The following PDE5A variants were observed in gnomAD, a reference collection of about 807,000 sequenced individuals.
PDE5A encodes the protein cGMP-specific 3',5'-cyclic phosphodiesterase.
A neutral mutation model predicts 110.2 loss-of-function variants in PDE5A; 67 were observed. The observed-to-expected ratio is 0.61, with a 90% CI of 0.50 to 0.75. The LOEUF (loss-of-function observed/expected upper bound fraction) is 0.75. Among genes scored for constraint, PDE5A ranks in the 30% least tolerant of loss-of-function variants. PDE5A has a pLI of 0.00. For missense variants in PDE5A, 862 were observed against 1,045.1 expected (o/e 0.82, Z 2.42); for synonymous variants, 328 against 351.2 (o/e 0.93, Z 0.74).
intron 1 of PDE5A, among the ~76,000 whole-genome samples, chr4:119,610,394 C>A (rs2110553132): frequency 6.6e-6 from 1 of 152,296 alleles, no homozygotes; most frequent in Middle Eastern, 3.4e-3. Context: ...TAAATATGGA[C>A]ATGTTACTAA....
intron 4 of PDE5A, among the ~76,000 whole-genome samples, chr4:119,566,560 G>A (rs1727942297): frequency 6.6e-6 from 1 of 152,134 alleles, no homozygotes; most frequent in African/African-American, 2.4e-5. Context: ...AAATAATGCT[G>A]GCTGTTGCTC....
intron 3 of PDE5A, among the ~76,000 whole-genome samples, chr4:119,579,189 A>G (rs1265296928): frequency 1.3e-5 from 2 of 152,130 alleles, no homozygotes; most frequent in Non-Finnish European, 2.9e-5. Context: ...TCAGGAAACA[A>G]CAGGTGCTGG....
intron 3 of PDE5A, among the ~76,000 whole-genome samples, chr4:119,574,506 CT>C (rs758811582): frequency 3.3e-5 from 5 of 151,986 alleles, no homozygotes; most frequent in Non-Finnish European, 7.4e-5. Flanking sequence ...ATGGACTCCT[CT>C]TTTATACTCA....
intron 3 of PDE5A, among the ~76,000 whole-genome samples, chr4:119,577,086 G>A: frequency 6.6e-6 from 1 of 152,120 alleles, no homozygotes. Context: ...AGAAAATCTA[G>A]AAGAAATGGA....
In PDE5A at chr4:119,542,724, A is replaced by G. The variant is rs1726984573; in HGVS notation, c.1397-90T>C. On this transcript the variant is annotated intron_variant, in intron 9 of 20. Coordinates refer to ENST00000354960, the MANE Select transcript of PDE5A (RefSeq NM_001083.4). ...CAAACACACCCAAAGATTGTCTTACACTTTTCTCTTAGGAATGCTTAGTAT... is the reference window on the plus strand; with the variant it reads ...CAAACACACCCAAAGATTGTCTTACGCTTTTCTCTTAGGAATGCTTAGTAT... 4 of 1,202,006 alleles carry G rather than the reference A, an allele frequency of 3.3e-6. No homozygotes were observed. In the South Asian group the frequency reaches 5.7e-5, roughly 17 times the overall value. 74.5% of individuals were successfully genotyped at this position (1,202,006 alleles called of 1,614,324 possible). A position where few individuals can be genotyped will look rare whatever the true frequency, so the allele number is the denominator to read the frequency against.
intron 3 of PDE5A, among the ~76,000 whole-genome samples, chr4:119,595,940 G>C (rs561681268): frequency 6.6e-6 from 1 of 152,252 alleles, no homozygotes; most frequent in South Asian, 2.1e-4. Flanking sequence ...GAAATATTCA[G>C]TTTAACTGAT....
chr4:119,501,702 T>C (rs571368729), intron 19 of PDE5A, among the ~76,000 whole-genome samples: 7 of 152,286 alleles, frequency 4.6e-5, no homozygotes, highest in South Asian at 4.1e-4. Context: ...AAAACTCTTA[T>C]GTTTTATTTC....
At chr4:119,588,332 C>A (rs1311525921) in intron 3 of PDE5A, among the ~76,000 whole-genome samples, 1 of 151,846 alleles carries the variant, frequency 6.6e-6, no homozygotes, top group Non-Finnish European at 1.5e-5. Flanking sequence ...GCGCATGCCA[C>A]ACACCCGGCT....
chr4:119,590,359 T>A (rs927295548), intron 3 of PDE5A, among the ~76,000 whole-genome samples: 1 of 152,184 alleles, frequency 6.6e-6, no homozygotes, highest in African/African-American at 2.4e-5. Context: ...AACTACTCCC[T>A]CATAGACACT....
In PDE5A at chr4:119,498,885, C is replaced by T. The variant is rs1725189708; in HGVS notation, c.2491-147G>A. On this transcript the variant is annotated intron_variant, in intron 20 of 20. Coordinates refer to ENST00000354960, the MANE Select transcript of PDE5A (RefSeq NM_001083.4). ...TTCACAAGCTTTGTGAGCACATACA[C>T]AGATCATTTACACATGATTCTTCTA... is the stretch of plus-strand genomic sequence containing the variant. 6.8e-6 allele frequency: 5 copies of T among 732,240 alleles called. 1 individual carries two copies. The highest frequency in any genetic ancestry group is 9.0e-6 in the Non-Finnish European group (4 of 444,080). 45.4% of individuals were successfully genotyped at this position (732,240 alleles called of 1,614,324 possible). A position where few individuals can be genotyped will look rare whatever the true frequency, so the allele number is the denominator to read the frequency against.
At position 119,582,157 on chromosome 4, in the gene PDE5A, A is replaced by G. The variant is rs149854070; in HGVS notation, c.831+14366T>C. On this transcript the variant is annotated intron_variant, in intron 3 of 20. Coordinates refer to ENST00000354960, the MANE Select transcript of PDE5A (RefSeq NM_001083.4). Reference sequence around the variant, plus strand: ...ACAGTAGAACTTCTTTCAAAATTGGAGTCAATCTTTTCAAGGCGTGCCACT... The same window carrying G: ...ACAGTAGAACTTCTTTCAAAATTGGGGTCAATCTTTTCAAGGCGTGCCACT... Among the ~76,000 whole-genome samples the G allele has an allele frequency of 4.6e-5, 7 of 152,304 alleles. No individual in the cohort carries two copies. The East Asian group carries it at 1.3e-3, about 29-fold the overall frequency.
intron 1 of PDE5A, among the ~76,000 whole-genome samples, chr4:119,610,326 G>T (rs1224130136): frequency 6.6e-6 from 1 of 152,042 alleles, no homozygotes; most frequent in Non-Finnish European, 1.5e-5. Context: ...AAAACTGTTT[G>T]GAAAAGATAA....
chr4:119,576,359 T>C (rs1033399298), intron 3 of PDE5A, among the ~76,000 whole-genome samples: 1 of 152,132 alleles, frequency 6.6e-6, no homozygotes, highest in Non-Finnish European at 1.5e-5. Context: ...TACAGAACTC[T>C]CCACCCCAAA....
At chr4:119,578,090 G>A (rs1192841009) in intron 3 of PDE5A, among the ~76,000 whole-genome samples, 1 of 152,094 alleles carries the variant, frequency 6.6e-6, no homozygotes, top group Non-Finnish European at 1.5e-5. Context: ...ATTCACAATT[G>A]CTTCAAAGAG....
intron 3 of PDE5A, among the ~76,000 whole-genome samples, chr4:119,580,230 C>T (rs946528430): frequency 1.3e-5 from 2 of 152,182 alleles, no homozygotes; most frequent in Middle Eastern, 3.2e-3. Context: ...ATACTAAACT[C>T]TCTGCCACAC....
intron 1 of PDE5A, among the ~76,000 whole-genome samples, chr4:119,616,931 A>G (rs985066805): frequency 4.6e-5 from 7 of 152,154 alleles, no homozygotes; most frequent in African/African-American, 1.7e-4. Context: ...TCTTAAAATG[A>G]TGGACTCAAT....
At chr4:119,575,524 C>T (rs908631686) in intron 3 of PDE5A, among the ~76,000 whole-genome samples, 2 of 152,084 alleles carry the variant, frequency 1.3e-5, no homozygotes, top group Admixed American at 6.6e-5. Context: ...AGAGTGGGGG[C>T]CAATATTCAA....
intron 11 of PDE5A, among the ~76,000 whole-genome samples, chr4:119,536,192 T>C (rs1726717055): frequency 6.6e-6 from 1 of 152,190 alleles, no homozygotes; most frequent in South Asian, 2.1e-4. Context: ...TTGCTAAAAT[T>C]ATAAACATTG....
intron 9 of PDE5A, chr4:119,551,925 C>T (rs1727369452): frequency 6.6e-6 from 1 of 152,124 alleles, no homozygotes; most frequent in Non-Finnish European, 1.5e-5. Context: ...ACCTTTTTCA[C>T]TACATCAACC....
Sources: gnomAD v4.1 joint callset for allele counts (sites outside exome capture counted in the v4.1 genomes callset) on GRCh38, gnomAD v4.1.1 for gene constraint, MANE v1.5 for transcripts, NCBI Gene and HGNC (gene_info 2026-07-23, HGNC 2026-07-21) for gene names.